Variants in GIGYF2 observed in about 807,000 individuals in gnomAD.
GIGYF2 encodes the protein GRB10 interacting GYF protein 2.
In GIGYF2, 25 loss-of-function variants were observed where a neutral mutation model predicts 208.1. That is an observed-to-expected ratio of 0.12 (90% CI 0.09 to 0.17). The LOEUF is 0.17. Among genes scored for constraint, GIGYF2 ranks in the 10% least tolerant of loss-of-function variants. The pLI, the probability that GIGYF2 is intolerant of heterozygous loss-of-function variation, is 1.00. For synonymous variants in GIGYF2, 534 were observed against 543.8 expected (o/e 0.98, Z 0.25); for missense variants, 1,302 against 1,579.4 (o/e 0.82, Z 2.98).
At chr2:232,812,228 C>T (rs551008281) in intron 17 of GIGYF2, among the ~76,000 whole-genome samples, 163 bp from the exon 18 acceptor site, 33 of 152,164 alleles carry the variant, frequency 2.2e-4, no homozygotes, top group Admixed American at 1.2e-3. Context: ...TCTCTTTGTT[C>T]CACCCCAAAC....
At position 232,787,208 on chromosome 2, in the gene GIGYF2, A is replaced by C; in HGVS notation, c.591A>C (p.Ile197=). The C allele has an allele frequency of 6.2e-7, 1 of 1,614,106 alleles. No individual in the cohort carries two copies. The highest frequency in any genetic ancestry group is 1.1e-5 in the South Asian group (1 of 91,082). The part of the protein sequence containing the change: ...PTSVGRKHEF[I]RSESENWRIF... ...CAGTAGGGAGAAAGCATGAATTTAT[A>C]CGCTCAGAAAGTGAAAATTGGCGCA... is the stretch of plus-strand genomic sequence containing the variant. Residue 197 remains isoleucine (I), a synonymous_variant, in exon 9 of 29, where the codon ATA becomes ATC. Transcript: ENST00000373563.
At chr2:232,798,533 G>A (rs901048905) in intron 14 of GIGYF2, among the ~76,000 whole-genome samples, 24 of 152,174 alleles carry the variant, frequency 1.6e-4, no homozygotes, top group African/African-American at 5.3e-4. Flanking sequence ...CACCAGCAAT[G>A]TATGAGCAAT....
At position 232,845,764 on chromosome 2, in the gene GIGYF2, A is replaced by C; in HGVS notation, c.3338A>C (p.Lys1113Thr). 2 of 1,607,326 alleles carry C rather than the reference A, an allele frequency of 1.2e-6. No homozygotes were observed. The highest frequency in any genetic ancestry group is 1.7e-6 in the Non-Finnish European group (2 of 1,173,730). Reference protein sequence around the residue: ...KSVGVSNRQNKKVEEEEKLLK... With the variant: ...KSVGVSNRQNTKVEEEEKLLK... ...GTAGGTGTGTCTAACCGGCAGAATA[A>C]GAAAGTAGAAGAAGAAGAAAAGTTG... Residue 1113 changes from lysine (K) to threonine (T), a missense_variant, in exon 26 of 29, where the codon AAG becomes ACG. By Grantham distance (78) the Lys-to-Thr change is moderately conservative. Coordinates refer to ENST00000373563, the MANE Select transcript of GIGYF2 (RefSeq NM_001103146.3).
At position 232,845,823 on chromosome 2, in the gene GIGYF2, G is replaced by C; in HGVS notation, c.3397G>C (p.Asp1133His). ...KLFQGVNKAQ[D>H]GFTQWCEQML... Reference sequence around the variant, plus strand: ...CTTTCAGGGAGTAAATAAAGCCCAAGATGGATTTACGCAGTGGTGTGAACA... The same window carrying C: ...CTTTCAGGGAGTAAATAAAGCCCAACATGGATTTACGCAGTGGTGTGAACA... Residue 1133 changes from aspartate (D) to histidine (H), a missense_variant, in exon 26 of 29, where the codon GAT becomes CAT. By Grantham distance (81) the Asp-to-His change is moderately conservative (BLOSUM62 -1). This residue lies in a region of GIGYF2 where 701 missense variants were observed against 793.0 expected (regional missense o/e 0.88). Transcript: ENST00000373563. The C allele has an allele frequency of 5.0e-6, 8 of 1,613,778 alleles. No individual in the cohort carries two copies. The highest frequency in any genetic ancestry group is 6.8e-6 in the Non-Finnish European group (8 of 1,179,678).
rs67221198 is a variant in GIGYF2 at position 232,797,489 on chromosome 2, T to TTGTGTGTGTGTG, written c.1639+1294_1639+1305dup. On this transcript the variant is annotated intron_variant, in intron 14 of 28. Coordinates refer to ENST00000373563, the MANE Select transcript of GIGYF2 (RefSeq NM_001103146.3). ...CTGGTAAGATACACGAGAGCAGGGC[T>TTGTGTGTGTGTG]TGTGTGTGTGTGTGTGTGTGTGTGT... Among the ~76,000 whole-genome samples, 1,115 of 145,078 alleles carry TTGTGTGTGTGTG rather than the reference T, an allele frequency of 7.7e-3. 3 individuals carry two copies. The highest frequency in any genetic ancestry group is 0.024 in the African/African-American group (939 of 38,766).
chr2:232,839,976 A>C lies in GIGYF2; in HGVS notation c.2889+5A>C. On this transcript the variant is annotated splice_donor_5th_base_variant and intron_variant, in intron 23 of 28. Coordinates refer to ENST00000373563, the MANE Select transcript of GIGYF2 (RefSeq NM_001103146.3). ...GAACGGCAGCTTCGAGAAGAGGTAA[A>C]ATTTTAAAGTAAAAGGGATCTAGTC... 2 of 1,613,840 alleles carry C rather than the reference A, an allele frequency of 1.2e-6. No homozygotes were observed. Among genetic ancestry groups the C allele is most frequent in the Non-Finnish European group, 8.5e-7 (1 of 1,179,802 alleles).
chr2:232,746,167 C>T (rs1698142182), intron 3 of GIGYF2, among the ~76,000 whole-genome samples: 2 of 151,138 alleles, frequency 1.3e-5, no homozygotes, highest in South Asian at 4.2e-4. Flanking sequence ...AAAAATTTTC[C>T]ACAATAAGTA....
Position 232,747,653 on chromosome 2 carries a change from C to T in GIGYF2, c.80C>T (p.Pro27Leu). ...TCCAGTGGTGGGAGTATTACATCCC[C>T]TCCTCTTTCTCCAGCATTGCCGAAG... is the stretch of plus-strand genomic sequence containing the variant. ...ALSSGGSITS[P>L]PLSPALPKYK... The change falls in exon 4 of 29, where the codon CCT becomes CTT. Residue 27 changes from proline (P) to leucine (L), a missense_variant. This residue lies in a region of GIGYF2 where 27 missense variants were observed against 59.5 expected (regional missense o/e 0.45). Coordinates refer to ENST00000373563, the MANE Select transcript of GIGYF2 (RefSeq NM_001103146.3). 6.2e-7 allele frequency: 1 copy of T among 1,613,744 alleles called. No individual in the cohort carries two copies. The highest frequency in any genetic ancestry group is 8.5e-7 in the Non-Finnish European group (1 of 1,179,638).
rs547733083 is a variant in GIGYF2 at position 232,845,054 on chromosome 2, G to C, written c.3305+480G>C. On this transcript the variant is annotated intron_variant, in intron 25 of 28. Coordinates refer to ENST00000373563, the MANE Select transcript of GIGYF2 (RefSeq NM_001103146.3). ...TATACAGTGTTGTTGAACGAGCATG[G>C]GTTTTAGTGTTAAATACATGAACTC... 2.0e-5 allele frequency among the ~76,000 whole-genome samples: 3 copies of C among 152,118 alleles called. No individual in the cohort carries two copies. In the South Asian group the frequency reaches 6.2e-4, roughly 32 times the overall value.
In GIGYF2 at chr2:232,856,668, G is replaced by A. The variant is rs138786232; in HGVS notation, c.3833-125G>A. 12,181 of 768,290 alleles carry A rather than the reference G, an allele frequency of 0.016. 305 individuals are homozygous for A. Among genetic ancestry groups the A allele is most frequent in the Middle Eastern group, 0.035 (152 of 4,378 alleles). The allele number at this position is 768,290 out of a possible 1,614,324, so 47.6% of individuals were successfully genotyped here. On this transcript the variant is annotated intron_variant, in intron 28 of 28. Coordinates refer to ENST00000373563, the MANE Select transcript of GIGYF2 (RefSeq NM_001103146.3). ...GATCACGCCACTGCACTCCAGCCTG[G>A]GTGACAGAGTGAAACCCTGTCTCAC... is the stretch of plus-strand genomic sequence containing the variant.
chr2:232,825,413 T>C (rs1240788717), intron 21 of GIGYF2, among the ~76,000 whole-genome samples: 2 of 152,162 alleles, frequency 1.3e-5, no homozygotes, highest in African/African-American at 2.4e-5. Flanking sequence ...CATGGATGAC[T>C]GTGAGGGGTT....
intron 1 of GIGYF2, among the ~76,000 whole-genome samples, chr2:232,699,567 T>A (rs1367956958): frequency 6.6e-6 from 1 of 152,216 alleles, no homozygotes; most frequent in East Asian, 1.9e-4. Context: ...TGAATTATCT[T>A]TCTCAAAAGT....
chr2:232,802,627 T>C (rs1185237135), intron 14 of GIGYF2, among the ~76,000 whole-genome samples: 1 of 152,180 alleles, frequency 6.6e-6, no homozygotes, highest in Admixed American at 6.5e-5. Flanking sequence ...TTTTAATATA[T>C]TGCTGAATTT....
At chr2:232,851,654 A>G (rs1222821685) in intron 28 of GIGYF2, among the ~76,000 whole-genome samples, 4 of 152,316 alleles carry the variant, frequency 2.6e-5, no homozygotes, top group South Asian at 2.1e-4. Context: ...TCCTGACTTC[A>G]GGTGATCTTC....
chr2:232,708,568 G>A (rs1319792890), intron 2 of GIGYF2, among the ~76,000 whole-genome samples: 1 of 151,878 alleles, frequency 6.6e-6, no homozygotes, highest in African/African-American at 2.4e-5. Flanking sequence ...AGGTGCAGTG[G>A]CTAACGTCTG....
intron 5 of GIGYF2, among the ~76,000 whole-genome samples, chr2:232,751,167 C>T (rs2106315774): frequency 6.6e-6 from 1 of 152,164 alleles, no homozygotes; most frequent in African/African-American, 2.4e-5. Flanking sequence ...TAGCTGTGCC[C>T]AGTAAGTTTT....
At chr2:232,714,931 C>A (rs1696610970) in intron 2 of GIGYF2, among the ~76,000 whole-genome samples, 2 of 152,142 alleles carry the variant, frequency 1.3e-5, no homozygotes, top group African/African-American at 2.4e-5. Context: ...CCTTCTCCCA[C>A]TCTCCACCCT....
chr2:232,736,932 A>G (rs1559393717), intron 3 of GIGYF2, among the ~76,000 whole-genome samples: 1 of 152,248 alleles, frequency 6.6e-6, no homozygotes, highest in Non-Finnish European at 1.5e-5. Flanking sequence ...CAGAGAAAAG[A>G]AAAACTGATG....
intron 2 of GIGYF2, chr2:232,729,605 C>T (rs1211162052): frequency 1.5e-5 from 19 of 1,283,656 alleles, no homozygotes; most frequent in Non-Finnish European, 2.0e-5. Context: ...CTTATCTGTT[C>T]CAACTTTATC....
Sources: allele counts gnomAD v4.1 joint callset (sites outside exome capture counted in the v4.1 genomes callset), GRCh38; gene constraint gnomAD v4.1.1; regional missense constraint gnomAD v4.1.1; transcripts MANE v1.5; gene names NCBI Gene and HGNC (gene_info 2026-07-23, HGNC 2026-07-21).